The following SPIRE1 variants were observed in gnomAD, a reference collection of about 807,000 sequenced individuals.
SPIRE1 encodes protein spire homolog 1.
In SPIRE1, 40 loss-of-function variants were observed where a neutral mutation model predicts 94.1. That is an observed-to-expected ratio of 0.43 (90% CI 0.33 to 0.55). SPIRE1 has a LOEUF of 0.55. Ranked by LOEUF, SPIRE1 falls within the 20% of genes least tolerant of loss-of-function variation. The probability of loss-of-function intolerance (pLI) is 0.06; values close to 1 mark genes in which losing one functional copy is unlikely to be tolerated. For synonymous variants in SPIRE1, 376 were observed against 371.7 expected, an observed-to-expected ratio of 1.01 and a Z score of -0.13; for missense variants, 838 against 975.2, an observed-to-expected ratio of 0.86 and a Z score of 1.87.
chr18:12,658,192 T>TG (rs1330800677), upstream of SPIRE1: 11 of 684,156 alleles, frequency 1.6e-5, no homozygotes, highest in Non-Finnish European at 1.9e-5. Context: ...GGCCGGGGGA[T>TG]GCACGCTCTG....
At chr18:12,586,900 CAT>C (rs1315371239) in intron 2 of SPIRE1, among the ~76,000 whole-genome samples, 2 of 152,140 alleles carry the variant, frequency 1.3e-5, no homozygotes, top group Non-Finnish European at 2.9e-5. Flanking sequence ...AAAAATATTT[CAT>C]GACTCTAGAC....
chr18:12,635,091 AT>A lies in SPIRE1; in HGVS notation c.342del (p.Lys114AsnfsTer28). On this transcript the variant is annotated frameshift_variant, in exon 2 of 17. Transcript: ENST00000409402. LOFTEE classifies it high-confidence loss of function. Reference protein sequence around the residue: ...DAGEPPPVAGKLGYSQCMETE... With the variant: ...DAGEPPPVAGXLGYSQCMETE... ...GTTTCCATACATTGTGAATATCCCA[AT>A]TTACCTGTAATAAAAATGAAAAGGA... The A allele has an allele frequency of 1.4e-6, 2 of 1,407,530 alleles. No homozygotes were observed. The highest frequency in any genetic ancestry group is 1.9e-6 in the Non-Finnish European group (2 of 1,026,298). 87.2% of individuals were successfully genotyped at this position (1,407,530 alleles called of 1,614,324 possible).
chr18:12,483,022 C>T (rs2032898971), intron 9 of SPIRE1, among the ~76,000 whole-genome samples: 1 of 150,454 alleles, frequency 6.6e-6, no homozygotes, highest in African/African-American at 2.5e-5. Flanking sequence ...CTCACTGCAG[C>T]CTTGACCTCT....
At chr18:12,648,991 T>C (rs2038302328) in intron 1 of SPIRE1, among the ~76,000 whole-genome samples, 1 of 152,114 alleles carries the variant, frequency 6.6e-6, no homozygotes, top group South Asian at 2.1e-4. Flanking sequence ...TCAATGTTGT[T>C]TTTTCAGTTT....
chr18:12,648,907 A>AG (rs1304981456), intron 1 of SPIRE1, among the ~76,000 whole-genome samples: 8 of 150,986 alleles, frequency 5.3e-5, no homozygotes, highest in East Asian at 3.9e-4. Flanking sequence ...AAAAAAAAAA[A>AG]AAAAGAAAAA....
At chr18:12,565,218 A>G (rs1290237947) in intron 2 of SPIRE1, among the ~76,000 whole-genome samples, 3 of 152,248 alleles carry the variant, frequency 2.0e-5, no homozygotes, top group Admixed American at 2.0e-4. Context: ...GGAGGAACAA[A>G]GATAAGAATT....
chr18:12,512,339 A>T (rs2034060399), intron 5 of SPIRE1, 115 bp downstream of exon 5: 1 of 690,360 alleles, frequency 1.4e-6, no homozygotes, highest in Non-Finnish European at 2.4e-6. Context: ...GTGAGCTGAG[A>T]TCGCACCATT....
chr18:12,451,038 AGG>A, intron 16 of SPIRE1: 1 of 494,122 alleles, frequency 2.0e-6, no homozygotes, highest in South Asian at 2.1e-5. Context: ...GAGGAGGAGG[AGG>A]AGGAGGAGGA....
intron 2 of SPIRE1, among the ~76,000 whole-genome samples, chr18:12,583,559 G>A (rs2036311291): frequency 6.6e-6 from 1 of 151,992 alleles, no homozygotes; most frequent in Non-Finnish European, 1.5e-5. Flanking sequence ...CCAAGATCGT[G>A]CCACTGCACT....
At chr18:12,526,056 T>TACACACACACACACACACACACACAC (rs56263373) in intron 4 of SPIRE1, among the ~76,000 whole-genome samples, 1,661 of 122,620 alleles carry the variant, frequency 0.014, 61 homozygotes, top group African/African-American at 0.019. Context: ...ATACTGAAGA[T>TACACACACACACACACACACACACAC]ACACACACAC....
At chr18:12,624,617 T>C (rs538414477) in intron 2 of SPIRE1, among the ~76,000 whole-genome samples, 1 of 144,636 alleles carries the variant, frequency 6.9e-6, no homozygotes, top group African/African-American at 2.6e-5. Context: ...ATATAGTAAA[T>C]ATGGTAAACT....
At chr18:12,491,454 A>G (rs1483749554) in intron 8 of SPIRE1, among the ~76,000 whole-genome samples, 1 of 152,090 alleles carries the variant, frequency 6.6e-6, no homozygotes, top group Admixed American at 6.5e-5. Flanking sequence ...GGAACAGAAC[A>G]AAGAGTCCAG....
At chr18:12,544,765 T>A (rs972480986) in intron 3 of SPIRE1, among the ~76,000 whole-genome samples, 1 of 152,238 alleles carries the variant, frequency 6.6e-6, no homozygotes, top group Non-Finnish European at 1.5e-5. Context: ...AACTTCTAAA[T>A]GTCCAATAAT....
At chr18:12,476,272 C>G (rs1445577941) in intron 10 of SPIRE1, among the ~76,000 whole-genome samples, 2 of 150,966 alleles carry the variant, frequency 1.3e-5, no homozygotes, top group Non-Finnish European at 2.9e-5. Flanking sequence ...GGCGTGGTGG[C>G]TCACGCCTGT....
chr18:12,516,914 T>G (rs1265744318), intron 4 of SPIRE1, among the ~76,000 whole-genome samples: 1 of 152,216 alleles, frequency 6.6e-6, no homozygotes, highest in Non-Finnish European at 1.5e-5. Context: ...CCTCACTCAT[T>G]GCCACTAAGA....
At position 12,576,761 on chromosome 18, in the gene SPIRE1, T is replaced by C. The variant is rs1188541918; in HGVS notation, c.373-29857A>G. On this transcript the variant is annotated intron_variant, in intron 2 of 16. Coordinates refer to ENST00000409402, the MANE Select transcript of SPIRE1 (RefSeq NM_001128626.2). Reference sequence around the variant, plus strand: ...AAAATTAGCCAGGCATGGTGGCATGTGCCTGTAGTTCCAGCTACTTGGGAG... The same window carrying C: ...AAAATTAGCCAGGCATGGTGGCATGCGCCTGTAGTTCCAGCTACTTGGGAG... Among the ~76,000 whole-genome samples the C allele has an allele frequency of 2.6e-5, 4 of 151,804 alleles. No homozygotes were observed. The East Asian group carries it at 5.8e-4, about 22-fold the overall frequency.
At chr18:12,579,838 T>A (rs1294950052) in intron 2 of SPIRE1, among the ~76,000 whole-genome samples, 1 of 152,208 alleles carries the variant, frequency 6.6e-6, no homozygotes, top group Non-Finnish European at 1.5e-5. Context: ...CTTCACTCTA[T>A]CACTGTACCT....
chr18:12,562,062 A>G (rs757425237), intron 2 of SPIRE1, among the ~76,000 whole-genome samples: 3 of 152,212 alleles, frequency 2.0e-5, no homozygotes, highest in Non-Finnish European at 4.4e-5. Flanking sequence ...TAAGTTTACA[A>G]AGTTTTCTTT....
At chr18:12,458,878 G>C (rs1424386991) in intron 12 of SPIRE1, among the ~76,000 whole-genome samples, 1 of 152,188 alleles carries the variant, frequency 6.6e-6, no homozygotes, top group African/African-American at 2.4e-5. Flanking sequence ...GGAATGTTTT[G>C]TGTCTTATTT....
Sources: allele counts gnomAD v4.1 joint callset (sites outside exome capture counted in the v4.1 genomes callset), GRCh38; gene constraint gnomAD v4.1.1; transcripts MANE v1.5; gene names NCBI Gene and HGNC (gene_info 2026-07-23, HGNC 2026-07-21).